The following APBB2 variants were observed in gnomAD, a reference collection of about 807,000 sequenced individuals.
The protein encoded by APBB2 is amyloid beta precursor protein binding family B member 2.
A neutral mutation model predicts 82.5 loss-of-function variants in APBB2; 38 were observed. The observed-to-expected ratio is 0.46, with a 90% CI of 0.36 to 0.60. The LOEUF is 0.60. APBB2 is among the 20% of genes least tolerant of loss of function. The pLI, the probability that APBB2 is intolerant of heterozygous loss-of-function variation, is 0.00. For synonymous variants in APBB2, 341 were observed against 368.2 expected (o/e 0.93, Z 0.85); for missense variants, 772 against 972.3 (o/e 0.79, Z 2.74).
chr4:41,214,103 G>C (rs1338890399), intron 1 of APBB2, among the ~76,000 whole-genome samples: 1 of 152,220 alleles, frequency 6.6e-6, no homozygotes, highest in East Asian at 1.9e-4. Context: ...AAGCGGGAGG[G>C]ATGGAAGTCA....
At chr4:41,184,336 C>G (rs1772281937) in intron 1 of APBB2, among the ~76,000 whole-genome samples, 1 of 152,100 alleles carries the variant, frequency 6.6e-6, no homozygotes, top group South Asian at 2.1e-4. Flanking sequence ...TACAGCAGCC[C>G]TAGCAAAGTA....
In APBB2 at chr4:40,826,040, T is replaced by C. The variant is rs1749819388; in HGVS notation, c.1733-70A>G. 4.2e-6 allele frequency: 5 copies of C among 1,188,950 alleles called. No individual in the cohort carries two copies. The East Asian group carries it at 1.2e-4, about 28-fold the overall frequency. 73.7% of individuals were successfully genotyped at this position (1,188,950 alleles called of 1,614,324 possible). ...CACATGTACACAACAGCCGTGGCTC[T>C]GCATCATCTGAATGCTCAGGACACG... On this transcript the variant is annotated intron_variant, in intron 14 of 17. Transcript: ENST00000508593. This position sits in a 1 kb window ranked among gnomAD's most constrained non-coding sequence, Gnocchi z 4.5.
At chr4:41,059,252 G>A (rs1046210400) in intron 4 of APBB2, among the ~76,000 whole-genome samples, 3 of 152,232 alleles carry the variant, frequency 2.0e-5, no homozygotes, top group Non-Finnish European at 4.4e-5. Context: ...CCTGAGGTCA[G>A]GAGTTTGAGA....
chr4:40,980,971 G>A lies in APBB2; in HGVS notation c.835+32612C>T, dbSNP rs572553800. Among the ~76,000 whole-genome samples the A allele has an allele frequency of 1.5e-4, 23 of 152,254 alleles. No individual in the cohort carries two copies. The South Asian group carries it at 4.6e-3, about 30-fold the overall frequency. On this transcript the variant is annotated intron_variant, in intron 6 of 17. Coordinates refer to ENST00000508593, the MANE Select transcript of APBB2 (RefSeq NM_004307.2). ...ATTCTTGGGCCCAATTAAAGACCCC[G>A]CTGAATCAGAATCTCTCTGGGATGA...
At chr4:41,125,441 T>C (rs1479644331) in intron 2 of APBB2, among the ~76,000 whole-genome samples, 2 of 152,078 alleles carry the variant, frequency 1.3e-5, no homozygotes, top group African/African-American at 4.8e-5. Flanking sequence ...TATCCTGAGG[T>C]TGGGTGTCCC....
intron 6 of APBB2, among the ~76,000 whole-genome samples, chr4:40,946,274 T>C (rs1013885106): frequency 7.4e-6 from 1 of 135,266 alleles, no homozygotes; most frequent in South Asian, 2.3e-4. Context: ...GGAAAGCAGA[T>C]TGGAAAAGCC....
At chr4:41,032,778 C>CT (rs11421268) in intron 5 of APBB2, among the ~76,000 whole-genome samples, 20,805 of 82,980 alleles carry the variant, frequency 0.25, 3,842 homozygotes, top group African/African-American at 0.45. Flanking sequence ...ATTTTTCTTT[C>CT]TTTTTTTTTT....
At chr4:40,961,274 A>C (rs1287617357) in intron 6 of APBB2, among the ~76,000 whole-genome samples, 3 of 152,162 alleles carry the variant, frequency 2.0e-5, no homozygotes, top group Non-Finnish European at 4.4e-5. Context: ...TCTAGGAAAG[A>C]AACAGCTTCT....
chr4:41,186,374 T>G (rs1388864924), intron 1 of APBB2, among the ~76,000 whole-genome samples: 1 of 152,200 alleles, frequency 6.6e-6, no homozygotes, highest in Non-Finnish European at 1.5e-5. Context: ...GGATAATAAT[T>G]AGTATGTTAT....
rs187914526 is a variant in APBB2, at chr4:41,044,463, T to C, written c.-50-11159A>G. ...ATTATCTTGAGATGTCCCAAGCTCA[T>C]CTTACATCTTTCCAGTTATTTTTGT... On this transcript the variant is annotated intron_variant, in intron 4 of 17. Transcript: ENST00000508593. Among the ~76,000 whole-genome samples the C allele has an allele frequency of 5.9e-5, 9 of 152,342 alleles. No homozygotes were observed. In the East Asian group the frequency reaches 1.7e-3, roughly 29 times the overall value.
At chr4:40,915,304 C>T (rs1779573788) in intron 10 of APBB2, among the ~76,000 whole-genome samples, 1 of 152,150 alleles carries the variant, frequency 6.6e-6, no homozygotes, top group African/African-American at 2.4e-5. Flanking sequence ...ACACTCTTCC[C>T]TGCTGTTTTT....
chr4:40,880,389 G>A, intron 12 of APBB2: 1 of 985,412 alleles, frequency 1.0e-6, no homozygotes, highest in Non-Finnish European at 1.2e-6. Context: ...TGAGTAAAAA[G>A]GTTCCAGGTG....
At chr4:41,201,805 A>G (rs1776762481) in intron 1 of APBB2, among the ~76,000 whole-genome samples, 1 of 152,258 alleles carries the variant, frequency 6.6e-6, no homozygotes, top group Non-Finnish European at 1.5e-5. Flanking sequence ...AGAATATGCC[A>G]ATCAAGTTCA....
intron 6 of APBB2, among the ~76,000 whole-genome samples, chr4:40,964,162 G>C (rs1312892515): frequency 1.3e-5 from 2 of 152,028 alleles, no homozygotes; most frequent in African/African-American, 4.8e-5. Flanking sequence ...TCTGCTGATA[G>C]AACAAGAACT....
At chr4:40,881,502 CTT>C (rs1768491817) in intron 12 of APBB2, 1 of 333,930 alleles carries the variant, frequency 3.0e-6, no homozygotes, top group African/African-American at 2.4e-5. Context: ...TTCCTTTTCG[CTT>C]TCTTTCCTTT....
intron 6 of APBB2, among the ~76,000 whole-genome samples, chr4:40,998,100 T>G (rs1254584870): frequency 6.6e-6 from 1 of 152,234 alleles, no homozygotes; most frequent in Admixed American, 6.5e-5. Context: ...CAACTGACAC[T>G]ATTTGTTGGC....
At chr4:40,934,787 G>GC in intron 8 of APBB2, 88 bp from the exon 9 acceptor site, 1 of 965,502 alleles carries the variant, frequency 1.0e-6, no homozygotes, top group Non-Finnish European at 1.6e-6. Flanking sequence ...CGTCTTCCCA[G>GC]CAAGAGGCAG....
In APBB2 at chr4:40,822,256, G is replaced by A. The variant is rs558220315; in HGVS notation, c.1933-206C>T. On this transcript the variant is annotated intron_variant, in intron 16 of 17. Coordinates refer to ENST00000508593, the MANE Select transcript of APBB2 (RefSeq NM_004307.2). ...CTGTTCTGGAGGTCATTCTTGCTCT[G>A]AACTACACTGCTGTCATGGGGTGTG... 55 of 580,470 alleles carry A rather than the reference G, an allele frequency of 9.5e-5. No homozygotes were observed. The East Asian group carries it at 1.5e-3, about 15-fold the overall frequency. The allele number at this position is 580,470 out of a possible 1,614,324, so 36.0% of individuals were successfully genotyped here.
chr4:40,888,337 C>T (rs1489030853), intron 12 of APBB2, among the ~76,000 whole-genome samples: 1 of 152,232 alleles, frequency 6.6e-6, no homozygotes, highest in Non-Finnish European at 1.5e-5. Flanking sequence ...TGTGGCCTCA[C>T]TTTAAAGAGT....
Sources: allele counts gnomAD v4.1 joint callset (sites outside exome capture counted in the v4.1 genomes callset), GRCh38; gene constraint gnomAD v4.1.1; non-coding constraint Gnocchi (gnomAD v3.1); transcripts MANE v1.5; gene names NCBI Gene and HGNC (gene_info 2026-07-23, HGNC 2026-07-21).